ATRIP: variants seen among roughly 807,000 people sequenced by gnomAD.
ATRIP encodes ATR-interacting protein.
In ATRIP, 44 loss-of-function variants were observed where a neutral mutation model predicts 78.1. The observed-to-expected ratio is 0.56, with a 90% CI of 0.44 to 0.72. ATRIP has a LOEUF of 0.72. Ranked by LOEUF, ATRIP falls within the 30% of genes least tolerant of loss-of-function variation. ATRIP has a pLI of 0.00. For synonymous variants in ATRIP, 388 were observed against 408.9 expected (o/e 0.95, Z 0.62); for missense variants, 927 against 980.2 (o/e 0.95, Z 0.72).
chr3:48,447,273 C>T (rs770559326), intron 1 of ATRIP, 181 bp downstream of exon 1: 6 of 1,259,492 alleles, frequency 4.8e-6, no homozygotes, highest in East Asian at 3.2e-5. Flanking sequence ...GGGGGAAATG[C>T]ATTAGCCAGG....
At position 48,460,472 on chromosome 3, in the gene ATRIP, G is replaced by C. The variant is rs1259728269; in HGVS notation, c.1418G>C (p.Gly473Ala). 6.2e-7 allele frequency: 1 copy of C among 1,610,742 alleles called. No individual in the cohort carries two copies. The highest frequency in any genetic ancestry group is 8.5e-7 in the Non-Finnish European group (1 of 1,178,182). The change falls in exon 8 of 13, where the codon GGC becomes GCC. Residue 473 changes from glycine (G) to alanine (A), a missense_variant. Transcript: ENST00000320211. ...NPEDSVCILE[G>A]FSVTALSILQ... ...GAGGACTCAGTGTGCATCCTGGAAG[G>C]CTTCTCTGTGACTGCACTTAGCATT...
In ATRIP at chr3:48,466,520, G is replaced by C. The variant is rs1187994319; in HGVS notation, c.*966G>C. 1 of 1,613,946 alleles carries C rather than the reference G, an allele frequency of 6.2e-7. No homozygotes were observed. The highest frequency in any genetic ancestry group is 1.1e-5 in the South Asian group (1 of 91,080). Reference sequence around the variant, plus strand: ...GCCCTGGAGCTCGCAGACAGGGCAGGATTGTGCAGGGAAGGCCTGAGATGT... The same window carrying C: ...GCCCTGGAGCTCGCAGACAGGGCAGCATTGTGCAGGGAAGGCCTGAGATGT... On this transcript the variant is annotated 3_prime_UTR_variant, in exon 13 of 13. Transcript: ENST00000320211.
At chr3:48,458,107 T>C (rs1280460405) in intron 5 of ATRIP, among the ~76,000 whole-genome samples, 2 of 148,416 alleles carry the variant, frequency 1.3e-5, no homozygotes, top group Non-Finnish European at 3.0e-5. Context: ...AGGCGGAGTC[T>C]CACCCTGTCA....
intron 2 of ATRIP, chr3:48,450,498 C>G: frequency 1.5e-6 from 2 of 1,292,722 alleles, no homozygotes; most frequent in Non-Finnish European, 2.0e-6. Flanking sequence ...AGCAGCTTTG[C>G]AAGAAAGCAG....
chr3:48,459,107 G>T (rs868197995), intron 5 of ATRIP, among the ~76,000 whole-genome samples: 49 of 152,264 alleles, frequency 3.2e-4, no homozygotes, highest in Admixed American at 1.0e-3. Context: ...CAATGTTAGT[G>T]GTCACTGTTT....
At position 48,465,201 on chromosome 3, in the gene ATRIP, C is replaced by T. The variant is rs923609421; in HGVS notation, c.2308+118C>T. The T allele has an allele frequency of 2.0e-5, 26 of 1,321,272 alleles. 1 individual carries two copies. Among genetic ancestry groups the T allele is most frequent in the Middle Eastern group, 2.6e-4 (1 of 3,920 alleles). The allele number at this position is 1,321,272 out of a possible 1,614,324, so 81.8% of individuals were successfully genotyped here. A position where few individuals can be genotyped will look rare whatever the true frequency, so the allele number is the denominator to read the frequency against. ...CCCCGCCCACTGCAGCCTGTTCCAG[C>T]ACTGGGGCCATTTTCTTTTATCTTC... On this transcript the variant is annotated intron_variant, in intron 12 of 12. Transcript: ENST00000320211.
chr3:48,453,503 T>C (rs2039882959), intron 3 of ATRIP, among the ~76,000 whole-genome samples: 1 of 152,202 alleles, frequency 6.6e-6, no homozygotes, highest in Non-Finnish European at 1.5e-5. Flanking sequence ...ATTTCCCTTA[T>C]CTGTTCCAAG....
chr3:48,464,847 C>T lies in ATRIP; in HGVS notation c.2072C>T (p.Thr691Met), dbSNP rs766841916. Reference sequence around the variant, plus strand: ...CTCTCTCAGGTGGTCAGAGCGCTCACGGTGATGTTGCACAGACAGTGGCTG... The same window carrying T: ...CTCTCTCAGGTGGTCAGAGCGCTCATGGTGATGTTGCACAGACAGTGGCTG... Reference protein sequence around the residue: ...QCNVEVVRALTVMLHRQWLTV... With the variant: ...QCNVEVVRALMVMLHRQWLTV... Residue 691 changes from threonine (T) to methionine (M), a missense_variant, in exon 12 of 13, where the codon ACG becomes ATG. By Grantham distance (81) the Thr-to-Met change is moderately conservative. Coordinates refer to ENST00000320211, the MANE Select transcript of ATRIP (RefSeq NM_130384.3). 19 of 1,611,956 alleles carry T rather than the reference C, an allele frequency of 1.2e-5. No individual in the cohort carries two copies. The Admixed American group carries it at 2.5e-4, about 21-fold the overall frequency.
At chr3:48,458,594 A>G (rs1453711262) in intron 5 of ATRIP, among the ~76,000 whole-genome samples, 1 of 152,192 alleles carries the variant, frequency 6.6e-6, no homozygotes, top group South Asian at 2.1e-4. Flanking sequence ...TGCTGGGATT[A>G]CAGGCATGAG....
At chr3:48,449,287 G>A (rs2039767067) in intron 1 of ATRIP, among the ~76,000 whole-genome samples, 2 of 151,604 alleles carry the variant, frequency 1.3e-5, no homozygotes, top group South Asian at 2.1e-4. Flanking sequence ...GGTAGCACAC[G>A]CCTGTAATTC....
intron 1 of ATRIP, 78 bp downstream of exon 1, chr3:48,447,170 A>G: frequency 7.3e-7 from 1 of 1,361,718 alleles, no homozygotes; most frequent in Non-Finnish European, 9.5e-7. Flanking sequence ...TGGCTTCGGA[A>G]CCTCGCGGCC....
chr3:48,453,918 T>G lies in ATRIP; in HGVS notation c.553-382T>G, dbSNP rs574409412. Among the ~76,000 whole-genome samples the G allele has an allele frequency of 7.9e-5, 12 of 152,228 alleles. No individual in the cohort carries two copies. In the South Asian group the frequency reaches 2.5e-3, roughly 32 times the overall value. On this transcript the variant is annotated intron_variant, in intron 3 of 12. Coordinates refer to ENST00000320211, the MANE Select transcript of ATRIP (RefSeq NM_130384.3). ...AAATGGTGGGCTGGTATTTAATTCT[T>G]TTTTTTATTTTTTAAATTTTTTGTA...
intron 5 of ATRIP, among the ~76,000 whole-genome samples, chr3:48,459,148 A>G (rs893701259): frequency 1.3e-5 from 2 of 152,224 alleles, no homozygotes; most frequent in African/African-American, 4.8e-5. Context: ...AGTGAGGCAA[A>G]CAGCTTGATT....
At chr3:48,453,142 C>T (rs2045554) in intron 3 of ATRIP, among the ~76,000 whole-genome samples, 74,810 of 151,908 alleles carry the variant, frequency 0.49, 19,683 homozygotes, top group East Asian at 0.7. Context: ...CCTTGGCCTT[C>T]CAAAGTGCTG....
intron 2 of ATRIP, chr3:48,450,500 A>G (rs1370309818): frequency 1.5e-6 from 2 of 1,293,786 alleles, no homozygotes; most frequent in Admixed American, 2.3e-5. Context: ...CAGCTTTGCA[A>G]GAAAGCAGAC....
chr3:48,466,420 C>A lies in ATRIP; in HGVS notation c.*866C>A. The A allele has an allele frequency of 1.2e-6, 2 of 1,606,674 alleles. No individual in the cohort carries two copies. Among genetic ancestry groups the A allele is most frequent in the Admixed American group, 1.7e-5 (1 of 59,956 alleles). ...GGCCGAGTCATGTGAAGAGGGAGAC[C>A]CTCTCAGACAGTCGAATGTGCTGGT... On this transcript the variant is annotated 3_prime_UTR_variant, in exon 13 of 13. Transcript: ENST00000320211.
chr3:48,449,832 G>A (rs2039788700), intron 1 of ATRIP, among the ~76,000 whole-genome samples: 1 of 149,132 alleles, frequency 6.7e-6, no homozygotes, highest in African/African-American at 2.5e-5. Flanking sequence ...CAGCTACACA[G>A]GAGGCTAAGG....
rs1010100472 is a variant in ATRIP at position 48,462,619 on chromosome 3, C to T, written c.1746-1126C>T. ...TCGGGAGGCTGAGGCAGGAGAATCG[C>T]TTGAACCCTGGAGGCGGAGGTTGCA... On this transcript the variant is annotated intron_variant, in intron 8 of 12. Transcript: ENST00000320211. 2.6e-5 allele frequency among the ~76,000 whole-genome samples: 4 copies of T among 151,548 alleles called. No individual in the cohort carries two copies. The East Asian group carries it at 7.9e-4, about 30-fold the overall frequency.
At chr3:48,461,819 C>T (rs969963455) in intron 8 of ATRIP, among the ~76,000 whole-genome samples, 1 of 152,196 alleles carries the variant, frequency 6.6e-6, no homozygotes, top group Non-Finnish European at 1.5e-5. Context: ...GTTCTCCTGC[C>T]TCAGCCTCCT....
Sources: allele counts gnomAD v4.1 joint callset (sites outside exome capture counted in the v4.1 genomes callset), GRCh38; gene constraint gnomAD v4.1.1; transcripts MANE v1.5; gene names NCBI Gene and HGNC (gene_info 2026-07-23, HGNC 2026-07-21).